FOXP2: variants seen among roughly 807,000 people sequenced by gnomAD.
The protein encoded by FOXP2 is forkhead box P2, also known as forkhead box protein P2.
In FOXP2, 12 loss-of-function variants were observed where a neutral mutation model predicts 115.8. The observed-to-expected ratio is 0.10, with a 90% CI of 0.07 to 0.17. The LOEUF (loss-of-function observed/expected upper bound fraction) is 0.17. Among genes scored for constraint, FOXP2 ranks in the 10% least tolerant of loss-of-function variants. FOXP2 has a pLI of 1.00. For synonymous variants in FOXP2, 328 were observed against 297.7 expected (o/e 1.10, Z -1.05); for missense variants, 629 against 843.5 (o/e 0.75, Z 3.15).
At chr7:114,101,896 A>ATTTTT (rs200056748) in intron 1 of FOXP2, among the ~76,000 whole-genome samples, 8 of 94,188 alleles carry the variant, frequency 8.5e-5, no homozygotes, top group African/African-American at 3.1e-4. Context: ...TCGCTTCAAC[A>ATTTTT]TTTTGTGTGT....
At chr7:114,183,799 A>T (rs570371469) in intron 1 of FOXP2, among the ~76,000 whole-genome samples, 36 of 152,284 alleles carry the variant, frequency 2.4e-4, no homozygotes, top group South Asian at 1.0e-3. Context: ...ATGCGCTGTT[A>T]TAATTTTTAG....
intron 2 of FOXP2, among the ~76,000 whole-genome samples, chr7:114,334,146 T>G (rs931261705): frequency 1.2e-4 from 18 of 152,150 alleles, no homozygotes; most frequent in African/African-American, 4.1e-4. Context: ...AATTTTAAAT[T>G]GAAATACCTT....
At position 114,493,318 on chromosome 7, in the gene FOXP2, G is replaced by T. The variant is rs531283836; in HGVS notation, c.169-41299G>T. 9.2e-5 allele frequency among the ~76,000 whole-genome samples: 14 copies of T among 152,180 alleles called. No homozygotes were observed. In the South Asian group the frequency reaches 2.9e-3, roughly 32 times the overall value. ...CTATGTGTGTCTCTGCACGTGAGAT[G>T]GGTTTCCTGAATACAGCACACTGAT... On this transcript the variant is annotated intron_variant, in intron 2 of 16. Coordinates refer to ENST00000350908, the MANE Select transcript of FOXP2 (RefSeq NM_014491.4).
At chr7:114,201,081 G>A (rs1794050238) in intron 1 of FOXP2, among the ~76,000 whole-genome samples, 2 of 152,030 alleles carry the variant, frequency 1.3e-5, no homozygotes, top group Admixed American at 6.6e-5. Flanking sequence ...TCTTGAATCC[G>A]GGAGGCAGAG....
At chr7:114,297,285 A>G (rs571411120) in intron 2 of FOXP2, 5 of 543,640 alleles carry the variant, frequency 9.2e-6, no homozygotes, top group African/African-American at 7.7e-5. Flanking sequence ...GGGCGAACCC[A>G]CACACCTCTG....
In FOXP2 at chr7:114,149,805, G is replaced by T. The variant is rs138374593; in HGVS notation, c.-246-13139G>T. 3.9e-5 allele frequency among the ~76,000 whole-genome samples: 6 copies of T among 152,092 alleles called. No individual in the cohort carries two copies. The East Asian group carries it at 1.2e-3, about 29-fold the overall frequency. ...ATAAAATTAGACTCAATTTTAGTAC[G>T]CTCATGTTGAGTTGAATTTTTTTCC... is the stretch of plus-strand genomic sequence containing the variant. On this transcript the variant is annotated intron_variant, in intron 1 of 19. Coordinates refer to the FOXP2 transcript ENST00000635638.
At chr7:114,255,307 C>G (rs1425630716) in intron 1 of FOXP2, among the ~76,000 whole-genome samples, 1 of 152,182 alleles carries the variant, frequency 6.6e-6, no homozygotes, top group Admixed American at 6.5e-5. Flanking sequence ...AACCACTACT[C>G]TTTTCAAAGC....
intron 1 of FOXP2, among the ~76,000 whole-genome samples, chr7:114,096,460 ATAACGT>A: frequency 6.6e-6 from 1 of 152,284 alleles, no homozygotes. Flanking sequence ...GTAATTTTCA[ATAACGT>A]CAAGCCATCC....
intron 2 of FOXP2, among the ~76,000 whole-genome samples, chr7:114,399,764 G>A (rs1293001612): frequency 6.6e-6 from 1 of 151,376 alleles, no homozygotes; most frequent in African/African-American, 2.4e-5. Context: ...CTAGTAAGGG[G>A]TATTGGGACA....
intron 1 of FOXP2, among the ~76,000 whole-genome samples, chr7:114,139,042 G>GTA (rs1282182544): frequency 3.9e-5 from 6 of 152,052 alleles, no homozygotes; most frequent in African/African-American, 7.2e-5. Flanking sequence ...GGTATATGTT[G>GTA]TATATATATA....
intron 2 of FOXP2, among the ~76,000 whole-genome samples, chr7:114,362,438 T>G (rs1402013621): frequency 3.3e-5 from 5 of 152,008 alleles, no homozygotes; most frequent in Admixed American, 1.3e-4. Flanking sequence ...AAAAACATGT[T>G]TCAGATGAAT....
intron 2 of FOXP2, among the ~76,000 whole-genome samples, chr7:114,329,110 G>A (rs935042985): frequency 6.6e-6 from 1 of 152,138 alleles, no homozygotes; most frequent in East Asian, 1.9e-4. Flanking sequence ...AAAATGGATC[G>A]AGTATTGATT....
chr7:114,482,618 G>A (rs1254620630), intron 2 of FOXP2, among the ~76,000 whole-genome samples: 2 of 150,960 alleles, frequency 1.3e-5, no homozygotes, highest in Non-Finnish European at 1.5e-5. Context: ...TGCTTTTTTG[G>A]TTCTCCATCA....
intron 16 of FOXP2, among the ~76,000 whole-genome samples, chr7:114,676,935 C>T (rs367882763): frequency 1.8e-4 from 27 of 152,108 alleles, no homozygotes; most frequent in African/African-American, 6.3e-4. Context: ...CATTTGTTGA[C>T]ATTTGTCATA....
chr7:114,459,496 T>C (rs576027361), intron 2 of FOXP2, among the ~76,000 whole-genome samples: 9 of 152,266 alleles, frequency 5.9e-5, no homozygotes, highest in Non-Finnish European at 1.3e-4. Context: ...TTTACTTGAC[T>C]AACATTCGTC....
intron 16 of FOXP2, among the ~76,000 whole-genome samples, chr7:114,687,044 G>C (rs945621377): frequency 2.0e-5 from 3 of 152,134 alleles, no homozygotes; most frequent in African/African-American, 7.2e-5. Flanking sequence ...TATACTTGTT[G>C]CTGAATAACG....
intron 3 of FOXP2, among the ~76,000 whole-genome samples, chr7:114,568,710 A>G (rs1433182962): frequency 6.6e-6 from 1 of 151,932 alleles, no homozygotes; most frequent in East Asian, 1.9e-4. Context: ...TGGCACCTGT[A>G]TCCCTTAAAT....
At chr7:114,524,762 A>C (rs1253267645) in intron 2 of FOXP2, among the ~76,000 whole-genome samples, 1 of 152,144 alleles carries the variant, frequency 6.6e-6, no homozygotes, top group East Asian at 1.9e-4. Context: ...AATGGCTTAC[A>C]GTACATTTCT....
chr7:114,632,086 G>C lies in FOXP2; in HGVS notation c.775+381G>C, dbSNP rs1804953160. Reference sequence around the variant, plus strand: ...CTAAGTGAGCTGATAGGAGTTTGGTGGACAACTGATAAAAGAAAGATAAAA... The same window carrying C: ...CTAAGTGAGCTGATAGGAGTTTGGTCGACAACTGATAAAAGAAAGATAAAA... On this transcript the variant is annotated intron_variant, in intron 6 of 16. Coordinates refer to ENST00000350908, the MANE Select transcript of FOXP2 (RefSeq NM_014491.4). 1.3e-5 allele frequency among the ~76,000 whole-genome samples: 2 copies of C among 152,126 alleles called. 1 individual carries two copies. The highest frequency in any genetic ancestry group is 4.1e-4 in the South Asian group (2 of 4,836).
Sources: gnomAD v4.1 joint callset for allele counts (sites outside exome capture counted in the v4.1 genomes callset) on GRCh38, gnomAD v4.1.1 for gene constraint, MANE v1.5 for transcripts, NCBI Gene and HGNC (gene_info 2026-07-23, HGNC 2026-07-21) for gene names.